The following ADARB2 variants were observed in gnomAD, a reference collection of about 807,000 sequenced individuals.
ADARB2 encodes the protein inactive double-stranded RNA-specific editase B2.
ADARB2 carries 25 observed loss-of-function variants against 62.2 expected under a neutral mutation model. The observed-to-expected ratio is 0.40, with a 90% CI of 0.29 to 0.56. The LOEUF is 0.56. Ranked by LOEUF, ADARB2 falls within the 20% of genes least tolerant of loss-of-function variation. The probability of loss-of-function intolerance (pLI) is 0.43; values close to 1 mark genes in which losing one functional copy is unlikely to be tolerated. For missense variants in ADARB2, 1,071 were observed against 1,077.4 expected, an observed-to-expected ratio of 0.99 and a Z score of 0.08; for synonymous variants, 572 against 500.8, an observed-to-expected ratio of 1.14 and a Z score of -1.90.
rs1832617817 is a variant in ADARB2 at position 1,396,687 on chromosome 10, A to G, written c.101-17527T>C. On this transcript the variant is annotated intron_variant, in intron 1 of 9. Coordinates refer to ENST00000381312, the MANE Select transcript of ADARB2 (RefSeq NM_018702.4). ...CTCCCGAGTGCAGGCTTCCTGGGTC[A>G]CCGTCCGTCTCTCCCCTCCCGAGCG... 8.4e-5 allele frequency among the ~76,000 whole-genome samples: 12 copies of G among 142,100 alleles called. 1 individual carries two copies. Among genetic ancestry groups the G allele is most frequent in the Middle Eastern group, 3.9e-3 (1 of 258 alleles). The allele number at this position is 142,100 out of a possible 152,430, so 93.2% of individuals were successfully genotyped here.
At chr10:1,569,855 G>T (rs916617151) in intron 1 of ADARB2, among the ~76,000 whole-genome samples, 1 of 151,962 alleles carries the variant, frequency 6.6e-6, no homozygotes, top group Non-Finnish European at 1.5e-5. Flanking sequence ...GCAGCATTTG[G>T]CACTGCTTGT....
At chr10:1,732,431 T>G (rs181462761) in intron 1 of ADARB2, among the ~76,000 whole-genome samples, 26 of 152,270 alleles carry the variant, frequency 1.7e-4, no homozygotes, top group Admixed American at 1.5e-3. Context: ...ATCCCATATT[T>G]TTATTCTACA....
Position 1,737,333 on chromosome 10 carries a change from A to C in ADARB2, c.-183T>G. ...TCTGTCTCTCGAATTGTTCTCTATG[A>C]CTTGCTCCCACTGGGCTGGGGGCCT... On this transcript the variant is annotated 5_prime_UTR_variant, in exon 1 of 10. Transcript: ENST00000381312. 3.3e-6 allele frequency: 2 copies of C among 604,704 alleles called. No homozygotes were observed. Among genetic ancestry groups the C allele is most frequent in the Non-Finnish European group, 5.8e-6 (2 of 347,270 alleles). The allele number at this position is 604,704 out of a possible 1,614,324, so 37.5% of individuals were successfully genotyped here.
chr10:1,519,163 C>T (rs1246388560), intron 1 of ADARB2, among the ~76,000 whole-genome samples: 2 of 151,762 alleles, frequency 1.3e-5, no homozygotes, highest in African/African-American at 2.4e-5. Context: ...CGCATGCATT[C>T]CTTATAACGT....
At chr10:1,639,950 G>A (rs1833960852) in intron 1 of ADARB2, among the ~76,000 whole-genome samples, 1 of 152,160 alleles carries the variant, frequency 6.6e-6, no homozygotes. Flanking sequence ...CCTTCTAACA[G>A]GCACAGTGGT....
chr10:1,242,775 AGGACAGGAGCT>A (rs112362163), intron 4 of ADARB2, among the ~76,000 whole-genome samples: 41,347 of 152,038 alleles, frequency 0.27, 6,031 homozygotes, highest in Non-Finnish European at 0.31. Context: ...ACAGAAACAC[AGGACAGGAGCT>A]GATGAACCTG....
intron 1 of ADARB2, among the ~76,000 whole-genome samples, chr10:1,630,915 A>G (rs1235479693): frequency 6.6e-6 from 1 of 152,110 alleles, no homozygotes; most frequent in Admixed American, 6.5e-5. Flanking sequence ...AGATCATGCC[A>G]TTGCACTCCA....
At chr10:1,504,352 C>T (rs930190195) in intron 1 of ADARB2, among the ~76,000 whole-genome samples, 22 of 152,226 alleles carry the variant, frequency 1.4e-4, no homozygotes, top group Admixed American at 5.2e-4. Flanking sequence ...TTCATTTTTC[C>T]AACACTCAGC....
rs142868675 is a variant in ADARB2 at position 1,636,936 on chromosome 10, A to C, written c.100+100115T>G. 4.1e-3 allele frequency among the ~76,000 whole-genome samples: 622 copies of C among 150,288 alleles called. 3 individuals are homozygous for C. Among genetic ancestry groups the C allele is most frequent in the African/African-American group, 0.012 (506 of 41,026 alleles). On this transcript the variant is annotated intron_variant, in intron 1 of 9. Coordinates refer to ENST00000381312, the MANE Select transcript of ADARB2 (RefSeq NM_018702.4). ...TAGAATATATATAATATCTCTCTCT[A>C]TATATAAAATTTCCAACCAACACTT...
chr10:1,629,387 T>C (rs965095353), intron 1 of ADARB2, among the ~76,000 whole-genome samples: 11 of 152,036 alleles, frequency 7.2e-5, no homozygotes, highest in African/African-American at 2.7e-4. Flanking sequence ...GGTCAGGACT[T>C]CACAGTGACA....
At chr10:1,202,795 G>A (rs939530322) in intron 7 of ADARB2, among the ~76,000 whole-genome samples, 12 of 152,340 alleles carry the variant, frequency 7.9e-5, no homozygotes, top group Non-Finnish European at 1.5e-4. Flanking sequence ...AATAAGCCAC[G>A]AGTTAAAAAG....
At chr10:1,518,550 G>A (rs147982850) in intron 1 of ADARB2, among the ~76,000 whole-genome samples, 4 of 152,030 alleles carry the variant, frequency 2.6e-5, no homozygotes, top group African/African-American at 4.8e-5. Context: ...CCTGCATTTC[G>A]TGTAATGTCT....
chr10:1,725,700 C>T (rs773633595), intron 1 of ADARB2, among the ~76,000 whole-genome samples: 5 of 152,186 alleles, frequency 3.3e-5, no homozygotes, highest in African/African-American at 9.7e-5. Flanking sequence ...CACTCGTATC[C>T]GAAGTTTGAA....
chr10:1,697,244 G>C (rs1834757880), intron 1 of ADARB2, among the ~76,000 whole-genome samples: 1 of 152,016 alleles, frequency 6.6e-6, no homozygotes, highest in South Asian at 2.1e-4. Context: ...GTGGCAAGAG[G>C]GTCAGCCTCT....
At chr10:1,367,052 G>C (rs1169836507) in intron 2 of ADARB2, among the ~76,000 whole-genome samples, 1 of 151,960 alleles carries the variant, frequency 6.6e-6, no homozygotes, top group African/African-American at 2.4e-5. Flanking sequence ...CACGCTCCCC[G>C]CCCCTCAGCT....
At chr10:1,597,618 A>G (rs557224605) in intron 1 of ADARB2, among the ~76,000 whole-genome samples, 46 of 152,354 alleles carry the variant, frequency 3.0e-4, no homozygotes, top group African/African-American at 9.6e-4. Flanking sequence ...AAGTCAATGA[A>G]CAACAGATGC....
At chr10:1,611,715 A>C (rs572167815) in intron 1 of ADARB2, among the ~76,000 whole-genome samples, 1 of 152,308 alleles carries the variant, frequency 6.6e-6, no homozygotes, top group South Asian at 2.1e-4. Context: ...TTCAGCCCAG[A>C]AGTAGCGGAT....
At chr10:1,487,756 G>A (rs1218996379) in intron 1 of ADARB2, among the ~76,000 whole-genome samples, 2 of 152,206 alleles carry the variant, frequency 1.3e-5, no homozygotes. Context: ...AGGCTGGTGT[G>A]AACTAAATAC....
In ADARB2 at chr10:1,363,102, C is replaced by A; in HGVS notation, c.1003G>T (p.Ala335Ser). 2.0e-6 allele frequency: 3 copies of A among 1,518,826 alleles called. No homozygotes were observed. The highest frequency in any genetic ancestry group is 2.6e-6 in the Non-Finnish European group (3 of 1,141,610). The allele number at this position is 1,518,826 out of a possible 1,614,324, so 94.1% of individuals were successfully genotyped here. A position where few individuals can be genotyped will look rare whatever the true frequency, so the allele number is the denominator to read the frequency against. The change falls in exon 3 of 10, where the codon GCA (alanine) becomes TCA (serine). Residue 335 changes from alanine to serine, a missense_variant. By Grantham distance (99) the Ala-to-Ser change is moderately conservative (BLOSUM62 1). Transcript: ENST00000381312. ...TGGATGTCGAACAGCTCCTGCAGTG[C>A]GGCCTGCGCGGCCTGACCCCGGGCC... The part of the protein sequence containing the change: ...KLARGQAAQA[A>S]LQELFDIQMP...
Sources: gnomAD v4.1 joint callset for allele counts (sites outside exome capture counted in the v4.1 genomes callset) on GRCh38, gnomAD v4.1.1 for gene constraint, MANE v1.5 for transcripts, NCBI Gene and HGNC (gene_info 2026-07-23, HGNC 2026-07-21) for gene names.